The following IGSF21 variants were observed in gnomAD, a reference collection of about 807,000 sequenced individuals.
IGSF21 encodes immunoglobin superfamily member 21, also known as immunoglobulin superfamily member 21.
Under a neutral mutation model 46.8 loss-of-function variants are expected in IGSF21, and 28 were observed. The observed-to-expected ratio is 0.60, with a 90% CI of 0.44 to 0.82. The LOEUF (loss-of-function observed/expected upper bound fraction) is 0.82, where lower values mean the gene tolerates loss of function less well. IGSF21 is among the 40% of genes least tolerant of loss of function. The pLI, the probability that IGSF21 is intolerant of heterozygous loss-of-function variation, is 0.00. For synonymous variants in IGSF21, 284 were observed against 273.6 expected (o/e 1.04, Z -0.38); for missense variants, 624 against 665.5 (o/e 0.94, Z 0.69).
chr1:18,117,219 T>C (rs1164983128), intron 1 of IGSF21, among the ~76,000 whole-genome samples: 1 of 152,228 alleles, frequency 6.6e-6, no homozygotes, highest in Non-Finnish European at 1.5e-5. Context: ...TGCCATCGTT[T>C]GGAGATGGCC....
At chr1:18,362,445 C>A (rs925589043) in intron 5 of IGSF21, among the ~76,000 whole-genome samples, 30 of 152,228 alleles carry the variant, frequency 2.0e-4, no homozygotes, top group Admixed American at 2.0e-3. Context: ...ATGCTGAGAA[C>A]CCCCACTTCT....
chr1:18,358,736 A>C (rs776842470), intron 4 of IGSF21, among the ~76,000 whole-genome samples: 2 of 152,234 alleles, frequency 1.3e-5, no homozygotes, highest in Non-Finnish European at 2.9e-5. Context: ...AGTACCTTAC[A>C]ATTCCATTTT....
intron 4 of IGSF21, among the ~76,000 whole-genome samples, chr1:18,342,283 G>A (rs143187224): frequency 1.4e-4 from 22 of 152,102 alleles, no homozygotes; most frequent in Admixed American, 2.6e-4. Flanking sequence ...TAGTCGAGAC[G>A]AGGTTTCTCC....
chr1:18,173,729 GTTTTA>G (rs1287519545), intron 1 of IGSF21, among the ~76,000 whole-genome samples: 1 of 152,154 alleles, frequency 6.6e-6, no homozygotes, highest in Non-Finnish European at 1.5e-5. Flanking sequence ...ATTTTGTTTT[GTTTTA>G]TTTTATGTAT....
At chr1:18,203,394 C>T (rs1332943397) in intron 1 of IGSF21, among the ~76,000 whole-genome samples, 3 of 152,140 alleles carry the variant, frequency 2.0e-5, no homozygotes, top group East Asian at 1.9e-4. Flanking sequence ...CTGTAGCCAC[C>T]GCCATCCAGG....
chr1:18,129,510 G>A (rs1438841915), intron 1 of IGSF21, among the ~76,000 whole-genome samples: 2 of 152,184 alleles, frequency 1.3e-5, no homozygotes, highest in African/African-American at 4.8e-5. Context: ...CTCTGGCACT[G>A]GCCCTTCTGA....
chr1:18,120,251 A>T (rs1457765565), intron 1 of IGSF21, among the ~76,000 whole-genome samples: 2 of 152,208 alleles, frequency 1.3e-5, no homozygotes, highest in Non-Finnish European at 2.9e-5. Flanking sequence ...TGTAACCAGA[A>T]AGCAGGCTGG....
At chr1:18,343,134 G>C (rs1195636281) in intron 4 of IGSF21, among the ~76,000 whole-genome samples, 2 of 152,158 alleles carry the variant, frequency 1.3e-5, no homozygotes, top group Admixed American at 6.5e-5. Context: ...CCATCCTAGT[G>C]GATCCTAGTG....
In IGSF21 at chr1:18,334,629, A is replaced by G. The variant is rs2085747699; in HGVS notation, c.306-263A>G. Reference sequence around the variant, plus strand: ...CCATCCCAGGCTCATGGAAGCCAACAGGCTAAATAACTGCTCCAGGACCCA... The same window carrying G: ...CCATCCCAGGCTCATGGAAGCCAACGGGCTAAATAACTGCTCCAGGACCCA... On this transcript the variant is annotated intron_variant, in intron 3 of 9. Transcript: ENST00000251296. The surrounding 1 kb of genome is among the most constrained non-coding windows in gnomAD (Gnocchi z 4.3). 6.6e-6 allele frequency among the ~76,000 whole-genome samples: 1 copy of G among 152,170 alleles called. No individual in the cohort carries two copies. Among genetic ancestry groups the G allele is most frequent in the Admixed American group, 6.5e-5 (1 of 15,280 alleles).
chr1:18,120,888 G>A (rs778136592), intron 1 of IGSF21, among the ~76,000 whole-genome samples: 29 of 152,232 alleles, frequency 1.9e-4, no homozygotes, highest in East Asian at 7.7e-4. Flanking sequence ...TGGTCTCTTC[G>A]ACATCTCCAC....
intron 3 of IGSF21, among the ~76,000 whole-genome samples, chr1:18,300,773 A>G (rs1291889423): frequency 6.6e-6 from 1 of 152,270 alleles, no homozygotes; most frequent in East Asian, 1.9e-4. Flanking sequence ...TCCAGCTAGA[A>G]GTTCCACTGG....
intron 2 of IGSF21, among the ~76,000 whole-genome samples, chr1:18,233,017 G>A (rs893734792): frequency 9.2e-5 from 14 of 152,308 alleles, no homozygotes; most frequent in Non-Finnish European, 1.3e-4. Context: ...AGGCAAAGCC[G>A]AAGGTCTGTT....
intron 1 of IGSF21, chr1:18,110,518 CG>C (rs1457575729): frequency 6.6e-6 from 1 of 152,296 alleles, no homozygotes; most frequent in African/African-American, 2.4e-5. Flanking sequence ...AACGTACTGG[CG>C]GTCACTGCTC....
chr1:18,366,517 C>A (rs76713636), intron 6 of IGSF21, among the ~76,000 whole-genome samples: 2,530 of 152,144 alleles, frequency 0.017, 73 homozygotes, highest in African/African-American at 0.057. Flanking sequence ...TGCATATGAG[C>A]CCAGTGAGCT....
chr1:18,257,397 T>C (rs1275413209), intron 2 of IGSF21, among the ~76,000 whole-genome samples: 3 of 152,200 alleles, frequency 2.0e-5, no homozygotes, highest in Admixed American at 1.3e-4. Context: ...GGCAATACAT[T>C]ACTCTTTATA....
chr1:18,263,394 T>G (rs759902193), intron 2 of IGSF21, among the ~76,000 whole-genome samples: 44 of 148,810 alleles, frequency 3.0e-4, no homozygotes, highest in Non-Finnish European at 5.7e-4. Flanking sequence ...CCACCTCTAC[T>G]AGGCACCTGC....
rs112676352 is a variant in IGSF21 at position 18,331,357 on chromosome 1, T to C, written c.306-3535T>C. 2.3e-3 allele frequency among the ~76,000 whole-genome samples: 349 copies of C among 152,260 alleles called. 2 individuals are homozygous for C. The highest frequency in any genetic ancestry group is 8.0e-3 in the African/African-American group (332 of 41,558). ...CCCACTTATGCATGAGAACATACAA[T>C]GTTTGGTTTTCCGTTCTTGAGTTAC... On this transcript the variant is annotated intron_variant, in intron 3 of 9. Coordinates refer to ENST00000251296, the MANE Select transcript of IGSF21 (RefSeq NM_032880.5).
At chr1:18,148,933 T>A (rs10492994) in intron 1 of IGSF21, among the ~76,000 whole-genome samples, 1 of 152,088 alleles carries the variant, frequency 6.6e-6, no homozygotes. Flanking sequence ...TGTCTTATAC[T>A]CATTAAAAAA....
intron 1 of IGSF21, among the ~76,000 whole-genome samples, chr1:18,185,696 T>G (rs1449460858): frequency 6.6e-6 from 1 of 152,180 alleles, no homozygotes; most frequent in Non-Finnish European, 1.5e-5. Context: ...CAACTTTACC[T>G]CTCCGTGCCT....
Sources: allele counts gnomAD v4.1 joint callset (sites outside exome capture counted in the v4.1 genomes callset), GRCh38; gene constraint gnomAD v4.1.1; non-coding constraint Gnocchi (gnomAD v3.1); transcripts MANE v1.5; gene names NCBI Gene and HGNC (gene_info 2026-07-23, HGNC 2026-07-21).